Variants in SP100 observed in about 807,000 individuals in gnomAD.
The protein encoded by SP100 is nuclear autoantigen Sp-100.
A neutral mutation model predicts 130.0 loss-of-function variants in SP100; 84 were observed. That is an observed-to-expected ratio of 0.65 (90% CI 0.54 to 0.77). The LOEUF is 0.77. Ranked by LOEUF, SP100 falls within the 30% of genes least tolerant of loss-of-function variation. The pLI is 0.00. For missense variants in SP100, 978 were observed against 1,052.2 expected (o/e 0.93, Z 0.97); for synonymous variants, 331 against 351.7 (o/e 0.94, Z 0.66).
At chr2:230,478,044 T>C (rs1015466215) in intron 17 of SP100, among the ~76,000 whole-genome samples, 1 of 152,156 alleles carries the variant, frequency 6.6e-6, no homozygotes, top group Non-Finnish European at 1.5e-5. Flanking sequence ...CACTAAAAAT[T>C]TTTTTGTACA....
intron 5 of SP100, 108 bp downstream of exon 5, chr2:230,447,010 A>G (rs2063739348): frequency 3.0e-6 from 2 of 668,472 alleles, no homozygotes; most frequent in Admixed American, 5.5e-5. Context: ...TGGAGAAGTC[A>G]AGGAGAGAGT....
At position 230,473,324 on chromosome 2, in the gene SP100, G is replaced by C. The variant is rs753905029; in HGVS notation, c.1430G>C (p.Gly477Ala). ...TCSSSLRRGSGSQPQEPENKK... is the reference protein window; with the variant it reads ...TCSSSLRRGSASQPQEPENKK... ...AAAATGTTTACAAATCACAATTTAG[G>C]ATCACAGCCACAAGAACCTGAAAAT... The change falls in exon 16 of 29, where the codon GGA (glycine) becomes GCA (alanine). Residue 477 changes from glycine to alanine, a missense_variant and splice_region_variant. Coordinates refer to ENST00000340126, the MANE Select transcript of SP100 (RefSeq NM_001080391.2). 6.2e-7 allele frequency: 1 copy of C among 1,607,690 alleles called. No individual in the cohort carries two copies. The highest frequency in any genetic ancestry group is 2.2e-5 in the East Asian group (1 of 44,836).
In SP100 at chr2:230,454,388, ATCTTTCT is replaced by A. The variant is rs566211927; in HGVS notation, c.820+4142_820+4148del. Among the ~76,000 whole-genome samples, 1,399 of 151,390 alleles carry A rather than the reference ATCTTTCT, an allele frequency of 9.2e-3. 22 individuals carry two copies. Among genetic ancestry groups the A allele is most frequent in the African/African-American group, 0.032 (1,340 of 41,272 alleles). ...GAGGTGTAACATTAGGTTGTTTGAG[ATCTTTCT>A]TCTTTCTTTATGTATTCTTGTGTTT... On this transcript the variant is annotated intron_variant, in intron 8 of 28. Coordinates refer to ENST00000340126, the MANE Select transcript of SP100 (RefSeq NM_001080391.2).
intron 24 of SP100, among the ~76,000 whole-genome samples, chr2:230,512,427 C>A (rs1392413133): frequency 6.6e-6 from 1 of 151,660 alleles, no homozygotes; most frequent in Non-Finnish European, 1.5e-5. Flanking sequence ...GTAGCTGGGA[C>A]TACAGGTGTG....
At chr2:230,455,872 A>G (rs73000268) in intron 8 of SP100, among the ~76,000 whole-genome samples, 23,908 of 152,146 alleles carry the variant, frequency 0.16, 2,046 homozygotes, top group Non-Finnish European at 0.19. Context: ...CTTAATTTTG[A>G]TTGCCTACAA....
chr2:230,495,444 C>T (rs375485796), intron 18 of SP100, among the ~76,000 whole-genome samples: 32 of 152,158 alleles, frequency 2.1e-4, no homozygotes, highest in South Asian at 6.2e-4. Context: ...CTCAGCCTCC[C>T]GAGTAGCTGG....
At chr2:230,471,797 A>G (rs1177551678) in intron 15 of SP100, among the ~76,000 whole-genome samples, 1 of 152,178 alleles carries the variant, frequency 6.6e-6, no homozygotes. Flanking sequence ...GGCTAGAGTC[A>G]CCAAATGAAA....
intron 2 of SP100, among the ~76,000 whole-genome samples, chr2:230,426,321 G>A (rs2062931009): frequency 6.6e-6 from 1 of 152,038 alleles, no homozygotes; most frequent in African/African-American, 2.4e-5. Flanking sequence ...TTCATCAACT[G>A]TAAAGCTAAA....
chr2:230,440,676 T>C, intron 2 of SP100: 1 of 882,720 alleles, frequency 1.1e-6, no homozygotes. Context: ...AAGTTTTTTC[T>C]TGAAGAAATT....
intron 17 of SP100, among the ~76,000 whole-genome samples, chr2:230,478,649 C>G (rs1249282846): frequency 1.3e-5 from 2 of 152,142 alleles, no homozygotes; most frequent in African/African-American, 4.8e-5. Context: ...CCTTTCATCT[C>G]CTTCAGCAAT....
chr2:230,526,212 A>C (rs1475478015), intron 24 of SP100, among the ~76,000 whole-genome samples: 1 of 152,206 alleles, frequency 6.6e-6, no homozygotes, highest in Non-Finnish European at 1.5e-5. Context: ...TTCCAGAGGA[A>C]GGATCAGGCA....
At chr2:230,520,986 G>T (rs1201595845) in intron 24 of SP100, among the ~76,000 whole-genome samples, 1 of 152,202 alleles carries the variant, frequency 6.6e-6, no homozygotes, top group Non-Finnish European at 1.5e-5. Context: ...GGTCAGTGGG[G>T]TATGCATTAA....
chr2:230,420,439 T>C (rs540769883), intron 2 of SP100, among the ~76,000 whole-genome samples: 7 of 152,288 alleles, frequency 4.6e-5, no homozygotes, highest in South Asian at 4.1e-4. Flanking sequence ...TAATACTGAA[T>C]AGTAACAGTA....
At chr2:230,453,116 A>C (rs996426946) in intron 8 of SP100, among the ~76,000 whole-genome samples, 1 of 152,168 alleles carries the variant, frequency 6.6e-6, no homozygotes, top group Non-Finnish European at 1.5e-5. Context: ...GAAACTTACG[A>C]TCATGGCAGA....
At chr2:230,498,091 A>G (rs539453654) in intron 18 of SP100, among the ~76,000 whole-genome samples, 1 of 152,348 alleles carries the variant, frequency 6.6e-6, no homozygotes, top group South Asian at 2.1e-4. Context: ...CTATCTCATA[A>G]ATGAATTAGT....
At chr2:230,515,505 A>T in intron 24 of SP100, 1 of 1,611,450 alleles carries the variant, frequency 6.2e-7, no homozygotes, top group Non-Finnish European at 8.5e-7. Flanking sequence ...ATATTGCTGC[A>T]TATCGAGCTA....
intron 21 of SP100, among the ~76,000 whole-genome samples, chr2:230,505,697 T>C (rs6725450): frequency 0.027 from 4,091 of 152,326 alleles, 180 homozygotes; most frequent in African/African-American, 0.093. Flanking sequence ...CAAATATAAA[T>C]GTTTGCCCCA....
intron 23 of SP100, 137 bp from the exon 24 acceptor site, chr2:230,510,988 C>T (rs533782810): frequency 2.8e-6 from 2 of 704,476 alleles, no homozygotes; most frequent in East Asian, 5.3e-5. Flanking sequence ...GTTAGATGTA[C>T]AGGTCCATAA....
intron 17 of SP100, among the ~76,000 whole-genome samples, chr2:230,488,313 G>T (rs911339131): frequency 6.6e-6 from 1 of 152,126 alleles, no homozygotes; most frequent in African/African-American, 2.4e-5. Flanking sequence ...TATGATATTG[G>T]CTGTGGGTTT....
Sources: gnomAD v4.1 joint callset for allele counts (sites outside exome capture counted in the v4.1 genomes callset) on GRCh38, gnomAD v4.1.1 for gene constraint, MANE v1.5 for transcripts, NCBI Gene and HGNC (gene_info 2026-07-23, HGNC 2026-07-21) for gene names.